RBFOX1: variants seen among roughly 807,000 people sequenced by gnomAD.
RBFOX1 encodes the protein RNA binding fox-1 homolog 1, also known as RNA binding protein fox-1 homolog 1.
Under a neutral mutation model 57.7 loss-of-function variants are expected in RBFOX1, and 8 were observed. The ratio of observed to expected loss-of-function variants is 0.14; its 90% CI spans 0.08 to 0.25. The LOEUF (loss-of-function observed/expected upper bound fraction) is 0.25, where lower values mean the gene tolerates loss of function less well. RBFOX1 is among the 10% of genes least tolerant of loss of function. The probability of loss-of-function intolerance (pLI) is 1.00; values close to 1 mark genes in which losing one functional copy is unlikely to be tolerated. For missense variants in RBFOX1, 611 were observed against 548.5 expected (o/e 1.11, Z -1.14); for synonymous variants, 326 against 222.4 (o/e 1.47, Z -4.15).
At chr16:6,408,240 A>G (rs893356174) in intron 2 of RBFOX1, among the ~76,000 whole-genome samples, 3 of 152,270 alleles carry the variant, frequency 2.0e-5, no homozygotes, top group South Asian at 4.1e-4. Flanking sequence ...CCCTAAAAGA[A>G]AAGCACTTTA....
chr16:5,807,767 G>A (rs796602426), intron 3 of RBFOX1, among the ~76,000 whole-genome samples: 16 of 152,258 alleles, frequency 1.1e-4, no homozygotes, highest in African/African-American at 3.8e-4. Flanking sequence ...TTGTTACAAT[G>A]CAGGCTCTTG....
At chr16:7,180,317 G>C (rs142309942) in intron 4 of RBFOX1, among the ~76,000 whole-genome samples, 176 of 152,190 alleles carry the variant, frequency 1.2e-3, no homozygotes, top group African/African-American at 4.0e-3. Context: ...CCATTTTTCA[G>C]ATAGAAAACT....
At chr16:5,491,481 C>T (rs1157781224) in intron 2 of RBFOX1, among the ~76,000 whole-genome samples, 1 of 152,146 alleles carries the variant, frequency 6.6e-6, no homozygotes, top group Non-Finnish European at 1.5e-5. Flanking sequence ...TTTATAGGAG[C>T]ACTGTTTGTA....
Position 7,117,042 on chromosome 16 carries a change from A to G in RBFOX1, c.27+64944A>G, listed in dbSNP as rs562381547. Among the ~76,000 whole-genome samples the G allele has an allele frequency of 2.6e-5, 4 of 152,236 alleles. No homozygotes were observed. The South Asian group carries it at 8.3e-4, about 32-fold the overall frequency. Reference sequence around the variant, plus strand: ...GTTAGGGAAGTGAAGACAAGAGGGGACAGTTTTGTCAAACATCAGCTATAA... The same window carrying G: ...GTTAGGGAAGTGAAGACAAGAGGGGGCAGTTTTGTCAAACATCAGCTATAA... On this transcript the variant is annotated intron_variant, in intron 4 of 15. Coordinates refer to ENST00000550418, the MANE Select transcript of RBFOX1 (RefSeq NM_018723.4).
chr16:5,950,869 G>C (rs1192512034), intron 4 of RBFOX1, among the ~76,000 whole-genome samples: 1 of 152,096 alleles, frequency 6.6e-6, no homozygotes, highest in Non-Finnish European at 1.5e-5. Flanking sequence ...GAGAGAGGGA[G>C]CTAGGGGGAG....
intron 3 of RBFOX1, among the ~76,000 whole-genome samples, chr16:6,980,384 C>G (rs1013655570): frequency 6.6e-6 from 1 of 152,086 alleles, no homozygotes; most frequent in Non-Finnish European, 1.5e-5. Flanking sequence ...CTAATCTTAT[C>G]TTTTTCCTTC....
intron 1 of RBFOX1, among the ~76,000 whole-genome samples, chr16:5,333,567 A>G (rs1181671014): frequency 6.6e-6 from 1 of 152,178 alleles, no homozygotes; most frequent in African/African-American, 2.4e-5. Context: ...TAGAAGTTCT[A>G]CAGGGCCCGA....
intron 3 of RBFOX1, among the ~76,000 whole-genome samples, chr16:5,837,509 C>T (rs2056497985): frequency 6.6e-6 from 1 of 152,028 alleles, no homozygotes; most frequent in South Asian, 2.1e-4. Flanking sequence ...ACAGACATTC[C>T]CACTCCCAAC....
intron 3 of RBFOX1, among the ~76,000 whole-genome samples, chr16:7,033,304 G>A (rs1211709904): frequency 1.3e-5 from 2 of 152,156 alleles, no homozygotes; most frequent in African/African-American, 2.4e-5. Context: ...CAGATCACCC[G>A]AGGCCAGGAG....
chr16:5,248,050 T>C (rs1365889327), intron 1 of RBFOX1, among the ~76,000 whole-genome samples: 1 of 152,212 alleles, frequency 6.6e-6, no homozygotes, highest in Non-Finnish European at 1.5e-5. Flanking sequence ...AACATTTTCC[T>C]AAGATGGGTC....
intron 1 of RBFOX1, among the ~76,000 whole-genome samples, chr16:6,171,525 C>T (rs556599704): frequency 1.3e-5 from 2 of 152,158 alleles, no homozygotes; most frequent in East Asian, 1.9e-4. Context: ...GGCTCATTGG[C>T]TTGTTGGACC....
intron 4 of RBFOX1, among the ~76,000 whole-genome samples, chr16:7,412,876 A>T (rs1476871985): frequency 2.0e-5 from 3 of 152,034 alleles, no homozygotes; most frequent in Admixed American, 6.5e-5. Context: ...CCCCGTCTCT[A>T]CTACAAATAT....
chr16:5,365,495 C>G (rs2065686065), intron 1 of RBFOX1, among the ~76,000 whole-genome samples: 1 of 152,050 alleles, frequency 6.6e-6, no homozygotes, highest in South Asian at 2.1e-4. Flanking sequence ...TGGTGAAACC[C>G]TCATCTCTAC....
At position 5,880,815 on chromosome 16, in the gene RBFOX1, T is replaced by A. The variant is rs575101092; in HGVS notation, c.351+13480T>A. Among the ~76,000 whole-genome samples, 4 of 152,328 alleles carry A rather than the reference T, an allele frequency of 2.6e-5. 1 individual carries two copies. Among genetic ancestry groups the A allele is most frequent in the South Asian group, 4.2e-4 (2 of 4,802 alleles). ...ACTTAGAATCACAAAGGAAACTATT[T>A]ATATTGAAATACATTTATTAAATAA... is the stretch of plus-strand genomic sequence containing the variant. On this transcript the variant is annotated intron_variant, in intron 4 of 19. Coordinates refer to the RBFOX1 transcript ENST00000641259.
intron 14 of RBFOX1, among the ~76,000 whole-genome samples, chr16:7,692,975 T>A (rs2077703102): frequency 6.6e-6 from 1 of 152,182 alleles, no homozygotes. Flanking sequence ...TAGTCCCATT[T>A]TAAAAAGTAA....
chr16:6,986,691 C>T (rs1342200550), intron 3 of RBFOX1, among the ~76,000 whole-genome samples: 4 of 152,254 alleles, frequency 2.6e-5, no homozygotes, highest in African/African-American at 7.2e-5. Context: ...TTCTCTCTCT[C>T]CTTCTCTCTG....
At chr16:6,909,276 C>T (rs1273043159) in intron 3 of RBFOX1, among the ~76,000 whole-genome samples, 3 of 152,140 alleles carry the variant, frequency 2.0e-5, no homozygotes, top group Non-Finnish European at 4.4e-5. Context: ...GCATTGTGGC[C>T]TTCAGACTCC....
At chr16:5,569,438 CTTTTTTTTTTTTTTTTTT>C (rs796279138) in intron 2 of RBFOX1, among the ~76,000 whole-genome samples, 4 of 49,180 alleles carry the variant, frequency 8.1e-5, no homozygotes, top group South Asian at 1.1e-3. Flanking sequence ...AAGAAGTAAC[CTTTTTTTTTTTTTTTTTT>C]TTTTTTTTTT....
chr16:5,747,685 C>T (rs1208378988), intron 3 of RBFOX1, among the ~76,000 whole-genome samples: 1 of 152,024 alleles, frequency 6.6e-6, no homozygotes, highest in African/African-American at 2.4e-5. Context: ...TTATACTATT[C>T]TTTGATGGTA....
Sources: allele counts gnomAD v4.1 joint callset (sites outside exome capture counted in the v4.1 genomes callset), GRCh38; gene constraint gnomAD v4.1.1; transcripts MANE v1.5; gene names NCBI Gene and HGNC (gene_info 2026-07-23, HGNC 2026-07-21).